The following KALRN variants were observed in gnomAD, a reference collection of about 807,000 sequenced individuals.
The protein encoded by KALRN is kalirin RhoGEF kinase, also known as kalirin.
Under a neutral mutation model 353.7 loss-of-function variants are expected in KALRN, and 70 were observed. The observed-to-expected ratio is 0.20, with a 90% CI of 0.16 to 0.24. The LOEUF is 0.24. Among genes scored for constraint, KALRN ranks in the 10% least tolerant of loss-of-function variants. KALRN has a pLI of 1.00. For synonymous variants in KALRN, 1,391 were observed against 1,434.8 expected, an observed-to-expected ratio of 0.97 and a Z score of 0.69; for missense variants, 2,791 against 3,756.7, an observed-to-expected ratio of 0.74 and a Z score of 6.72.
intron 1 of KALRN, among the ~76,000 whole-genome samples, chr3:124,039,772 A>C (rs1268767312): frequency 6.6e-6 from 1 of 152,060 alleles, no homozygotes; most frequent in Non-Finnish European, 1.5e-5. Flanking sequence ...GCAAAGGAAA[A>C]CATCTCTTTT....
intron 3 of KALRN, among the ~76,000 whole-genome samples, chr3:124,239,721 C>A (rs895062): frequency 0.067 from 10,166 of 152,204 alleles, 972 homozygotes; most frequent in East Asian, 0.46. Context: ...AGGAAGACAG[C>A]TGAAAGAAGA....
At chr3:124,456,969 T>A (rs1189763247) in intron 23 of KALRN, among the ~76,000 whole-genome samples, 1 of 152,192 alleles carries the variant, frequency 6.6e-6, no homozygotes, top group African/African-American at 2.4e-5. Context: ...CCCTTCCTCA[T>A]AGATCATCAC....
intron 56 of KALRN, among the ~76,000 whole-genome samples, chr3:124,701,463 T>C (rs333272): frequency 0.61 from 90,499 of 147,252 alleles, 28,091 homozygotes; most frequent in East Asian, 0.9. Context: ...TCATAGCTCA[T>C]TGCAGCCTCG....
In KALRN at chr3:124,667,149, T is replaced by A; in HGVS notation, c.6669T>A (p.Asn2223Lys). ...AGCAGGCCTGGGTGCAGGACATCAA[T>A]CAAGTCTTAGAAACACAGCGAGACT... ...DIQQAWVQDI[N>K]QVLETQRDFL... The change falls in exon 47 of 60, where the codon AAT becomes AAA. Residue 2223 changes from asparagine to lysine, a missense_variant. This residue lies in a region of KALRN where 1,065 missense variants were observed against 1,156.4 expected (regional missense o/e 0.92). Transcript: ENST00000682506. 1 of 1,614,134 alleles carries A rather than the reference T, an allele frequency of 6.2e-7. No homozygotes were observed. The highest frequency in any genetic ancestry group is 8.5e-7 in the Non-Finnish European group (1 of 1,180,010).
intron 34 of KALRN, among the ~76,000 whole-genome samples, chr3:124,596,805 T>C (rs1035699528): frequency 6.6e-6 from 1 of 152,228 alleles, no homozygotes. Flanking sequence ...CCCAACACTT[T>C]GGGAGGCCGA....
intron 49 of KALRN, among the ~76,000 whole-genome samples, chr3:124,676,121 T>C (rs1347834173): frequency 6.6e-6 from 1 of 152,226 alleles, no homozygotes; most frequent in Non-Finnish European, 1.5e-5. Context: ...TGATTTATCC[T>C]CTAAATATCC....
At chr3:124,683,337 C>G (rs1196514869) in intron 51 of KALRN, among the ~76,000 whole-genome samples, 2 of 152,162 alleles carry the variant, frequency 1.3e-5, no homozygotes, top group African/African-American at 2.4e-5. Context: ...CAGCATCTGG[C>G]CTATACTAGG....
At chr3:124,139,773 A>G (rs771821886) in intron 1 of KALRN, among the ~76,000 whole-genome samples, 4 of 152,164 alleles carry the variant, frequency 2.6e-5, no homozygotes, top group Non-Finnish European at 5.9e-5. Flanking sequence ...TCTTTGAAAT[A>G]ACAGTTTCAG....
intron 5 of KALRN, among the ~76,000 whole-genome samples, chr3:124,274,174 AT>A (rs1256394121): frequency 6.6e-6 from 1 of 152,208 alleles, no homozygotes; most frequent in Non-Finnish European, 1.5e-5. Flanking sequence ...ACATCTTCTA[AT>A]GCTAGAACTA....
At chr3:124,604,999 A>G (rs2077186052) in intron 34 of KALRN, among the ~76,000 whole-genome samples, 1 of 152,120 alleles carries the variant, frequency 6.6e-6, no homozygotes, top group Non-Finnish European at 1.5e-5. Context: ...TACAAAAAAT[A>G]TATATATACA....
intron 9 of KALRN, among the ~76,000 whole-genome samples, chr3:124,346,777 C>T (rs147408076): frequency 7.6e-4 from 115 of 152,266 alleles, no homozygotes; most frequent in African/African-American, 2.7e-3. Context: ...GCCCAAACTG[C>T]TACTACCTAA....
chr3:124,226,205 A>G (rs1238428119), intron 1 of KALRN, among the ~76,000 whole-genome samples: 1 of 152,192 alleles, frequency 6.6e-6, no homozygotes. Context: ...TTGCATGAGG[A>G]TGAAAAAAAA....
In KALRN at chr3:124,200,344, T is replaced by A. The variant is rs147139188; in HGVS notation, c.74-27646T>A. On this transcript the variant is annotated intron_variant, in intron 1 of 59. Coordinates refer to ENST00000682506, the MANE Select transcript of KALRN (RefSeq NM_001388419.1). Reference sequence around the variant, plus strand: ...GGCTTACAAACAACAAACCTTTATTTCTCATAGTTCTGAAGGCTGGGAAAT... The same window carrying A: ...GGCTTACAAACAACAAACCTTTATTACTCATAGTTCTGAAGGCTGGGAAAT... Among the ~76,000 whole-genome samples the A allele has an allele frequency of 2.0e-5, 3 of 152,234 alleles. No homozygotes were observed. In the East Asian group the frequency reaches 5.8e-4, roughly 29 times the overall value.
intron 34 of KALRN, among the ~76,000 whole-genome samples, chr3:124,605,455 C>G (rs1452800577): frequency 1.3e-5 from 2 of 151,842 alleles, no homozygotes; most frequent in African/African-American, 2.4e-5. Context: ...TGTCTGTAAT[C>G]CCAGGTACTT....
At chr3:124,200,488 C>T (rs2150388367) in intron 1 of KALRN, among the ~76,000 whole-genome samples, 1 of 152,294 alleles carries the variant, frequency 6.6e-6, no homozygotes, top group South Asian at 2.1e-4. Context: ...TTTTAAAGAA[C>T]ACTAGTCCCA....
At chr3:124,528,957 G>A (rs2067811075) in intron 33 of KALRN, among the ~76,000 whole-genome samples, 1 of 152,068 alleles carries the variant, frequency 6.6e-6, no homozygotes, top group Admixed American at 6.5e-5. Context: ...CCATCTTTTT[G>A]TCCTATCCTG....
chr3:124,503,088 T>C (rs2064792752), intron 33 of KALRN, among the ~76,000 whole-genome samples: 1 of 152,122 alleles, frequency 6.6e-6, no homozygotes, highest in South Asian at 2.1e-4. Context: ...TCAGCACTAG[T>C]ATTACTCTGC....
At chr3:124,348,815 T>C (rs1434284681) in intron 10 of KALRN, among the ~76,000 whole-genome samples, 1 of 152,130 alleles carries the variant, frequency 6.6e-6, no homozygotes, top group African/African-American at 2.4e-5. Flanking sequence ...CCTCCTGGGT[T>C]CAGGTGATTC....
At chr3:124,223,507 T>C (rs1007755100) in intron 1 of KALRN, among the ~76,000 whole-genome samples, 9 of 152,160 alleles carry the variant, frequency 5.9e-5, no homozygotes, top group African/African-American at 2.2e-4. Context: ...AACACTTACA[T>C]AGTAACTTCT....
Sources: allele counts gnomAD v4.1 joint callset (sites outside exome capture counted in the v4.1 genomes callset), GRCh38; gene constraint gnomAD v4.1.1; regional missense constraint gnomAD v4.1.1; transcripts MANE v1.5; gene names NCBI Gene and HGNC (gene_info 2026-07-23, HGNC 2026-07-21).